The following ANK3 variants were observed in gnomAD, a reference collection of about 807,000 sequenced individuals.
ANK3 encodes ankyrin-3.
In ANK3, 57 loss-of-function variants were observed where a neutral mutation model predicts 370.9. The observed-to-expected ratio is 0.15, with a 90% CI of 0.12 to 0.19. ANK3 has a LOEUF of 0.19. ANK3 is among the 10% of genes least tolerant of loss of function. The pLI, the probability that ANK3 is intolerant of heterozygous loss-of-function variation, is 1.00. For missense variants in ANK3, 4,439 were observed against 5,302.1 expected (o/e 0.84, Z 5.06); for synonymous variants, 1,929 against 1,946.3 (o/e 0.99, Z 0.23).
intron 5 of ANK3, among the ~76,000 whole-genome samples, chr10:60,267,054 T>C (rs17232638): frequency 6.6e-6 from 1 of 152,192 alleles, no homozygotes; most frequent in Non-Finnish European, 1.5e-5. Context: ...ACAATTATAC[T>C]TAAGTCTTGC....
intron 1 of ANK3, among the ~76,000 whole-genome samples, chr10:60,620,261 C>G (rs1338306230): frequency 6.6e-6 from 1 of 152,072 alleles, no homozygotes; most frequent in Non-Finnish European, 1.5e-5. Context: ...ATCCATAATT[C>G]AAAATGCATC....
At chr10:60,207,869 T>C (rs1283021236) in intron 10 of ANK3, among the ~76,000 whole-genome samples, 167 bp downstream of exon 10, 1 of 152,172 alleles carries the variant, frequency 6.6e-6, no homozygotes, top group African/African-American at 2.4e-5. Context: ...ATGTCAGAAA[T>C]AGAAAATTTT....
rs528386134 is a variant in ANK3, at chr10:60,030,401, C to T, written c.*20-575G>A. Among the ~76,000 whole-genome samples, 3 of 152,280 alleles carry T rather than the reference C, an allele frequency of 2.0e-5. No individual in the cohort carries two copies. In the East Asian group the frequency reaches 5.8e-4, roughly 29 times the overall value. ...TCGTGAGCCGCCCACCTTGGCCTCC[C>T]AAAGTGCTGGGATTACAGGCATGAG... On this transcript the variant is annotated intron_variant, in intron 43 of 43. Coordinates refer to ENST00000280772, the MANE Select transcript of ANK3 (RefSeq NM_020987.5).
chr10:60,730,603 A>G (rs7071548), intron 1 of ANK3, among the ~76,000 whole-genome samples: 47,652 of 152,096 alleles, frequency 0.31, 7,733 homozygotes, highest in South Asian at 0.48. Context: ...CTATTTTCAC[A>G]TGTCGACAAA....
intron 39 of ANK3, 111 bp downstream of exon 39, chr10:60,064,046 T>TTTCTG: frequency 9.5e-7 from 1 of 1,051,962 alleles, no homozygotes; most frequent in African/African-American, 1.7e-5. Context: ...GTTTTCTATA[T>TTTCTG]TAAAGATTAC....
At chr10:60,290,573 T>C (rs1362014495) in intron 1 of ANK3, among the ~76,000 whole-genome samples, 2 of 152,122 alleles carry the variant, frequency 1.3e-5, no homozygotes, top group African/African-American at 4.8e-5. Flanking sequence ...CTAACTGAAG[T>C]AAAAGGGGCT....
chr10:60,469,069 A>ATATATATATATATATACCACTTTTAG (rs2065094724), intron 2 of ANK3, among the ~76,000 whole-genome samples: 1 of 718 alleles, frequency 1.4e-3, no homozygotes, highest in African/African-American at 3.0e-3. Context: ...CTTTTAGTAT[A>ATATATATATATATATACCACTTTTAG]TATATATATA....
intron 28 of ANK3, among the ~76,000 whole-genome samples, chr10:60,098,800 T>C (rs903827590): frequency 3.9e-5 from 6 of 152,212 alleles, no homozygotes; most frequent in Non-Finnish European, 7.3e-5. Context: ...TTTATATATA[T>C]TTGGGTCAGC....
intron 2 of ANK3, among the ~76,000 whole-genome samples, chr10:60,514,070 A>G (rs1192820975): frequency 6.6e-6 from 1 of 152,142 alleles, no homozygotes; most frequent in Non-Finnish European, 1.5e-5. Context: ...TGAATAGTAA[A>G]TGTTTCCCTC....
intron 25 of ANK3, among the ~76,000 whole-genome samples, chr10:60,121,657 C>G (rs970397066): frequency 1.3e-5 from 2 of 148,154 alleles, no homozygotes; most frequent in African/African-American, 5.0e-5. Context: ...TGCTACTGCA[C>G]TCCAGTCTAG....
At chr10:60,323,584 G>A (rs890746806) in intron 1 of ANK3, among the ~76,000 whole-genome samples, 9 of 152,246 alleles carry the variant, frequency 5.9e-5, no homozygotes, top group Admixed American at 4.6e-4. Context: ...TGTCTCCAAT[G>A]GAAATATAAA....
At chr10:60,492,363 T>C (rs1381235657) in intron 2 of ANK3, among the ~76,000 whole-genome samples, 1 of 152,074 alleles carries the variant, frequency 6.6e-6, no homozygotes, top group East Asian at 1.9e-4. Context: ...ATAATGATTG[T>C]CCTGAGACAT....
intron 1 of ANK3, chr10:60,684,954 G>T: frequency 6.5e-7 from 1 of 1,538,306 alleles, no homozygotes; most frequent in Non-Finnish European, 8.9e-7. Flanking sequence ...TTGAGAAATT[G>T]TTAGCAACAG....
chr10:60,480,620 AAGAC>A (rs1454442314), intron 2 of ANK3, among the ~76,000 whole-genome samples: 1 of 152,196 alleles, frequency 6.6e-6, no homozygotes, highest in Non-Finnish European at 1.5e-5. Flanking sequence ...AATGATAAAT[AAGAC>A]AGAGTTTACC....
chr10:60,330,643 T>C (rs980508490), intron 1 of ANK3, among the ~76,000 whole-genome samples: 5 of 152,152 alleles, frequency 3.3e-5, no homozygotes, highest in Non-Finnish European at 5.9e-5. Flanking sequence ...TGTGGAGAAA[T>C]AGGAACACTT....
chr10:60,284,313 T>C (rs1033060746), intron 1 of ANK3, among the ~76,000 whole-genome samples: 1 of 152,110 alleles, frequency 6.6e-6, no homozygotes, highest in African/African-American at 2.4e-5. Flanking sequence ...ATAATACATT[T>C]TGATTATTTT....
At chr10:60,251,895 G>A (rs2097672632) in intron 7 of ANK3, among the ~76,000 whole-genome samples, 1 of 152,110 alleles carries the variant, frequency 6.6e-6, no homozygotes, top group Non-Finnish European at 1.5e-5. Flanking sequence ...TTCCCCACCG[G>A]GCTGGACTCT....
At chr10:60,365,985 A>G (rs1566869750) in intron 1 of ANK3, among the ~76,000 whole-genome samples, 1 of 152,216 alleles carries the variant, frequency 6.6e-6, no homozygotes, top group Non-Finnish European at 1.5e-5. Context: ...AATCTCTGTA[A>G]GTTGTACCAA....
At chr10:60,060,138 T>C (rs1446473999) in intron 40 of ANK3, 15 of 646,474 alleles carry the variant, frequency 2.3e-5, no homozygotes, top group Admixed American at 1.1e-4. Context: ...AATAAATTTA[T>C]CGGTTTAGTT....
Sources: allele counts gnomAD v4.1 joint callset (sites outside exome capture counted in the v4.1 genomes callset), GRCh38; gene constraint gnomAD v4.1.1; transcripts MANE v1.5; gene names NCBI Gene and HGNC (gene_info 2026-07-23, HGNC 2026-07-21).